INPP4B: variants seen among roughly 807,000 people sequenced by gnomAD.
The protein encoded by INPP4B is inositol polyphosphate 4-phosphatase type II.
Under a neutral mutation model 122.5 loss-of-function variants are expected in INPP4B, and 55 were observed. That is an observed-to-expected ratio of 0.45 (90% CI 0.36 to 0.56). INPP4B has a LOEUF of 0.56. Among genes scored for constraint, INPP4B ranks in the 20% least tolerant of loss-of-function variants. The pLI, the probability that INPP4B is intolerant of heterozygous loss-of-function variation, is 0.00. For missense variants in INPP4B, 1,000 were observed against 1,097.7 expected (o/e 0.91, Z 1.26); for synonymous variants, 403 against 388.7 (o/e 1.04, Z -0.43).
chr4:142,588,385 T>C (rs1736686270), intron 2 of INPP4B, among the ~76,000 whole-genome samples: 10 of 151,822 alleles, frequency 6.6e-5, no homozygotes, highest in Admixed American at 6.6e-4. Flanking sequence ...GTAAATGACA[T>C]GACTTATATG....
At chr4:142,259,849 G>A (rs1251832616) in intron 11 of INPP4B, among the ~76,000 whole-genome samples, 5 of 151,858 alleles carry the variant, frequency 3.3e-5, no homozygotes, top group Non-Finnish European at 7.4e-5. Context: ...CTTAGCCTAG[G>A]CCCACATGGG....
intron 2 of INPP4B, among the ~76,000 whole-genome samples, chr4:142,547,210 T>C (rs1829742197): frequency 1.3e-5 from 2 of 151,776 alleles, no homozygotes; most frequent in South Asian, 4.2e-4. Context: ...ATCCTACAAA[T>C]TCATAGAGCA....
At chr4:142,738,767 G>A (rs895028691) in intron 1 of INPP4B, among the ~76,000 whole-genome samples, 1 of 152,132 alleles carries the variant, frequency 6.6e-6, no homozygotes, top group African/African-American at 2.4e-5. Flanking sequence ...TAGCTCCAGT[G>A]TGTAGCCTTG....
chr4:142,708,664 T>A (rs1762748780), intron 2 of INPP4B, among the ~76,000 whole-genome samples: 1 of 152,118 alleles, frequency 6.6e-6, no homozygotes, highest in Non-Finnish European at 1.5e-5. Flanking sequence ...CTTGGGAGCC[T>A]CTGCCTAGAT....
At chr4:142,827,077 G>C (rs1478683400) in intron 1 of INPP4B, among the ~76,000 whole-genome samples, 2 of 152,136 alleles carry the variant, frequency 1.3e-5, no homozygotes, top group African/African-American at 4.8e-5. Flanking sequence ...CACTTTCTAG[G>C]CCTGTTGTTT....
At position 142,084,285 on chromosome 4, in the gene INPP4B, G is replaced by A. The variant is rs11100743; in HGVS notation, c.2487+1859C>T. Among the ~76,000 whole-genome samples the A allele has an allele frequency of 6.5e-3, 995 of 151,968 alleles. 10 individuals carry two copies. The highest frequency in any genetic ancestry group is 0.022 in the African/African-American group (902 of 41,452). ...ATTACAGGCATGTGCCACCATGCCCGGCTAATTTTTGTATTTTAGTAGAGA... is the reference window on the plus strand; with the variant it reads ...ATTACAGGCATGTGCCACCATGCCCAGCTAATTTTTGTATTTTAGTAGAGA... On this transcript the variant is annotated intron_variant, in intron 24 of 25. Coordinates refer to ENST00000262992, the MANE Select transcript of INPP4B (RefSeq NM_001101669.3).
chr4:142,491,973 A>G (rs1821934050), intron 2 of INPP4B, among the ~76,000 whole-genome samples: 1 of 152,156 alleles, frequency 6.6e-6, no homozygotes, highest in Non-Finnish European at 1.5e-5. Flanking sequence ...CTCATCTTGA[A>G]TTGTAGTTCC....
intron 16 of INPP4B, among the ~76,000 whole-genome samples, chr4:142,166,332 G>C (rs575277087): frequency 3.3e-5 from 5 of 151,798 alleles, no homozygotes; most frequent in African/African-American, 1.2e-4. Flanking sequence ...CCTCTGGCTA[G>C]CCATATGCAG....
At chr4:142,128,127 T>C (rs1438483591) in intron 18 of INPP4B, among the ~76,000 whole-genome samples, 2 of 152,128 alleles carry the variant, frequency 1.3e-5, no homozygotes, top group East Asian at 1.9e-4. Context: ...TGTCTCTCTA[T>C]ACCTTACAGT....
At chr4:142,623,578 A>G (rs1431065876) in intron 2 of INPP4B, among the ~76,000 whole-genome samples, 1 of 151,722 alleles carries the variant, frequency 6.6e-6, no homozygotes, top group Non-Finnish European at 1.5e-5. Flanking sequence ...AAATTTTATT[A>G]TTATTATACC....
chr4:142,405,388 C>G, intron 5 of INPP4B, 64 bp from the exon 6 acceptor site: 1 of 1,015,952 alleles, frequency 9.8e-7, no homozygotes, highest in Non-Finnish European at 1.5e-6. Context: ...AAAACTTCTG[C>G]GCCGGGCTGA....
At chr4:142,822,885 C>T (rs1402386043) in intron 1 of INPP4B, among the ~76,000 whole-genome samples, 5 of 152,142 alleles carry the variant, frequency 3.3e-5, no homozygotes, top group African/African-American at 1.2e-4. Context: ...CAAAATCTTC[C>T]TGTCTTCTTA....
chr4:142,130,295 C>T (rs1344962305), intron 18 of INPP4B, among the ~76,000 whole-genome samples: 1 of 151,850 alleles, frequency 6.6e-6, no homozygotes, highest in African/African-American at 2.4e-5. Context: ...CATAAACTGA[C>T]CAAAGGGAGA....
intron 9 of INPP4B, among the ~76,000 whole-genome samples, chr4:142,278,260 A>C (rs1749561648): frequency 1.3e-5 from 2 of 151,886 alleles, no homozygotes. Context: ...CTTAAATATC[A>C]TTGAACCAGC....
chr4:142,092,079 C>T (rs2152567321), intron 23 of INPP4B, among the ~76,000 whole-genome samples: 1 of 152,262 alleles, frequency 6.6e-6, no homozygotes, highest in East Asian at 1.9e-4. Context: ...AAATTCTCAT[C>T]TTAGCAACTG....
At chr4:142,314,592 C>T (rs1766779635) in intron 8 of INPP4B, 120 bp downstream of exon 8, 7 of 902,950 alleles carry the variant, frequency 7.8e-6, no homozygotes, top group South Asian at 1.6e-5. Flanking sequence ...CTTGAAGAGC[C>T]ACACCCTGTT....
At chr4:142,789,194 C>T (rs1244707056) in intron 1 of INPP4B, among the ~76,000 whole-genome samples, 4 of 152,062 alleles carry the variant, frequency 2.6e-5, no homozygotes, top group Non-Finnish European at 5.9e-5. Flanking sequence ...TGGCCACTCT[C>T]ATCACTCCTC....
At chr4:142,417,744 A>T (rs1806069921) in intron 5 of INPP4B, among the ~76,000 whole-genome samples, 1 of 152,080 alleles carries the variant, frequency 6.6e-6, no homozygotes, top group East Asian at 1.9e-4. Flanking sequence ...AAAACGACCC[A>T]GGAATGATGA....
At chr4:142,754,625 G>A (rs1347868238) in intron 1 of INPP4B, among the ~76,000 whole-genome samples, 1 of 151,896 alleles carries the variant, frequency 6.6e-6, no homozygotes, top group African/African-American at 2.4e-5. Context: ...TTATCTCAGG[G>A]TATGGGGGTT....
Sources: gnomAD v4.1 joint callset for allele counts (sites outside exome capture counted in the v4.1 genomes callset) on GRCh38, gnomAD v4.1.1 for gene constraint, MANE v1.5 for transcripts, NCBI Gene and HGNC (gene_info 2026-07-23, HGNC 2026-07-21) for gene names.